The following BRF1 variants were observed in gnomAD, a reference collection of about 807,000 sequenced individuals.
BRF1 encodes the protein BRF1 general transcription factor IIIB subunit.
A neutral mutation model predicts 81.7 loss-of-function variants in BRF1; 59 were observed. The ratio of observed to expected loss-of-function variants is 0.72; its 90% CI spans 0.59 to 0.90. BRF1 has a LOEUF of 0.90. Among genes scored for constraint, BRF1 ranks in the 40% least tolerant of loss-of-function variants. The pLI is 0.00. For missense variants in BRF1, 1,050 were observed against 936.3 expected (o/e 1.12, Z -1.58); for synonymous variants, 491 against 395.6 (o/e 1.24, Z -2.86).
chr14:105,274,295 A>G (rs2056785535), intron 2 of BRF1, among the ~76,000 whole-genome samples: 1 of 152,148 alleles, frequency 6.6e-6, no homozygotes, highest in Non-Finnish European at 1.5e-5. Flanking sequence ...AATAATAATC[A>G]ATAAAAACTG....
Position 105,210,716 on chromosome 14 carries a change from G to A in BRF1, c.1997-128C>T, listed in dbSNP as rs867499499. On this transcript the variant is annotated intron_variant, in intron 17 of 17. Transcript: ENST00000547530. This position sits in a 1 kb window ranked among gnomAD's most constrained non-coding sequence, Gnocchi z 4.7. ...TCCAGCCCCAGCCCCAGCCCCCCGC[G>A]CCCCGCCAGGAGCCATCTTGGGCTC... is the stretch of plus-strand genomic sequence containing the variant. The A allele has an allele frequency of 1.6e-4, 158 of 1,014,602 alleles. No homozygotes were observed. The highest frequency in any genetic ancestry group is 2.1e-4 in the Non-Finnish European group (146 of 709,098). 62.8% of individuals were successfully genotyped at this position (1,014,602 alleles called of 1,614,324 possible).
chr14:105,291,566 C>T (rs2140507579), intron 1 of BRF1, among the ~76,000 whole-genome samples: 1 of 151,738 alleles, frequency 6.6e-6, no homozygotes, highest in East Asian at 1.9e-4. Flanking sequence ...CCTGTAGTCC[C>T]AGCTACTCGG....
rs372729159 is a variant in BRF1 at position 105,269,347 on chromosome 14, C to A, written c.439+3374G>T. Among the ~76,000 whole-genome samples, 7 of 152,270 alleles carry A rather than the reference C, an allele frequency of 4.6e-5. No homozygotes were observed. The highest frequency in any genetic ancestry group is 1.7e-4 in the African/African-American group (7 of 41,548). ...ACCAGCAGCCAGAGGGGATAGAGTG[C>A]GGCCTCCCGTGAGCACAGTCCTGTT... On this transcript the variant is annotated intron_variant, in intron 3 of 17. Transcript: ENST00000547530. This position sits in a 1 kb window ranked among gnomAD's most constrained non-coding sequence, Gnocchi z 5.0.
At chr14:105,225,147 C>T (rs1306918375) in intron 10 of BRF1, among the ~76,000 whole-genome samples, 2 of 152,156 alleles carry the variant, frequency 1.3e-5, no homozygotes, top group Non-Finnish European at 2.9e-5. Flanking sequence ...TTCCAGAGTT[C>T]GACCAGGCTG....
At position 105,241,283 on chromosome 14, in the gene BRF1, A is replaced by T; in HGVS notation, c.676T>A (p.Ser226Thr). 1 of 1,612,068 alleles carries T rather than the reference A, an allele frequency of 6.2e-7. No homozygotes were observed. The highest frequency in any genetic ancestry group is 8.5e-7 in the Non-Finnish European group (1 of 1,179,798). The change falls in exon 6 of 18, where the codon TCG (serine) becomes ACG (threonine). Residue 226 changes from serine (S) to threonine (T), a missense_variant. Ser to Thr is a moderately conservative substitution (Grantham distance 58, BLOSUM62 1). Around this residue, in one of 2 missense-constraint regions of BRF1, gnomAD observed 1,043 missense variants for 915.4 expected, o/e 1.14. Coordinates refer to ENST00000547530, the MANE Select transcript of BRF1 (RefSeq NM_001519.4). ...GCTGTACCTGCTCCGCAGAGGCCCG[A>T]GGGGCGCCGGCCTGTGTGCATCCAG... ...RDWMHTGRRPSGLCGAALLVA... is the reference protein window; with the variant it reads ...RDWMHTGRRPTGLCGAALLVA...
At chr14:105,260,454 C>T (rs1367417192) in intron 3 of BRF1, among the ~76,000 whole-genome samples, 1 of 152,068 alleles carries the variant, frequency 6.6e-6, no homozygotes, top group Non-Finnish European at 1.5e-5. Context: ...TCACTACAAC[C>T]TCTGCCTACC....
chr14:105,274,136 A>ATT (rs1392184992), intron 2 of BRF1, among the ~76,000 whole-genome samples: 20 of 152,340 alleles, frequency 1.3e-4, no homozygotes, highest in Non-Finnish European at 1.5e-5. Context: ...GGAGAGAAAC[A>ATT]TAAATCTGGC....
intron 15 of BRF1, among the ~76,000 whole-genome samples, chr14:105,217,007 G>A (rs1269021737): frequency 2.0e-5 from 3 of 152,210 alleles, no homozygotes; most frequent in Admixed American, 6.5e-5. Context: ...GTGCACAGAG[G>A]CCGACCCACT....
chr14:105,272,599 T>G (rs2056705209), intron 3 of BRF1, 122 bp downstream of exon 3: 2 of 1,234,936 alleles, frequency 1.6e-6, no homozygotes, highest in Non-Finnish European at 2.2e-6. Flanking sequence ...GTTCTTCCAG[T>G]AAGGTGTTTT....
At chr14:105,275,930 C>T (rs972434363) in intron 2 of BRF1, among the ~76,000 whole-genome samples, 4 of 150,730 alleles carry the variant, frequency 2.7e-5, no homozygotes, top group Non-Finnish European at 5.9e-5. Context: ...AGAGGCGGCC[C>T]TCACTAGAGA....
chr14:105,312,192 G>A (rs587662160), intron 1 of BRF1, among the ~76,000 whole-genome samples: 2 of 152,358 alleles, frequency 1.3e-5, no homozygotes, highest in Admixed American at 1.3e-4. Flanking sequence ...CTTCACCCTA[G>A]GTGGAGGGAC....
intron 5 of BRF1, chr14:105,249,327 A>C (rs930485187): frequency 6.3e-7 from 1 of 1,599,538 alleles, no homozygotes; most frequent in Non-Finnish European, 8.5e-7. Flanking sequence ...CCTGCGGGAG[A>C]GCCAGGCTCA....
At chr14:105,267,367 G>A (rs187474020) in intron 3 of BRF1, among the ~76,000 whole-genome samples, 32 of 151,680 alleles carry the variant, frequency 2.1e-4, no homozygotes, top group Admixed American at 5.9e-4. Flanking sequence ...GTAGTGGTGC[G>A]ATCATGGCTC....
intron 6 of BRF1, among the ~76,000 whole-genome samples, chr14:105,229,209 C>T (rs985131909): frequency 6.6e-6 from 1 of 152,224 alleles, no homozygotes; most frequent in Non-Finnish European, 1.5e-5. Context: ...TCTAAGATGA[C>T]TGTGCGGGAA....
At chr14:105,279,687 G>A (rs2056988859) in intron 2 of BRF1, among the ~76,000 whole-genome samples, 1 of 152,128 alleles carries the variant, frequency 6.6e-6, no homozygotes, top group Non-Finnish European at 1.5e-5. Context: ...TCAGGACCCA[G>A]ACACCCATTC....
chr14:105,228,605 C>T (rs587769717), intron 7 of BRF1, among the ~76,000 whole-genome samples: 18 of 151,964 alleles, frequency 1.2e-4, no homozygotes, highest in South Asian at 2.1e-4. Context: ...TAGGGCCGGC[C>T]CCAGAAGGAC....
At chr14:105,226,899 A>C (rs1893191651) in intron 7 of BRF1, 139 bp from the exon 8 acceptor site, 1 of 1,314,688 alleles carries the variant, frequency 7.6e-7, no homozygotes. Flanking sequence ...GCTTGAGTCC[A>C]AGACTTTGAG....
chr14:105,297,487 T>C (rs1483570125), intron 1 of BRF1, among the ~76,000 whole-genome samples: 1 of 151,678 alleles, frequency 6.6e-6, no homozygotes, highest in Non-Finnish European at 1.5e-5. Flanking sequence ...GCAGAATCAC[T>C]TGAACTCGGG....
chr14:105,248,983 CCGCGCCAGCGCCGCCGCCGCCCG>C, intron 5 of BRF1: 1 of 986,266 alleles, frequency 1.0e-6, no homozygotes, highest in East Asian at 1.1e-4. Context: ...CCCAGCGCCC[CCGCGCCAGCGCCGCCGCCGCCCG>C]CGCCCGCGCC....
Sources: allele counts gnomAD v4.1 joint callset (sites outside exome capture counted in the v4.1 genomes callset), GRCh38; gene constraint gnomAD v4.1.1; regional missense constraint gnomAD v4.1.1; non-coding constraint Gnocchi (gnomAD v3.1); transcripts MANE v1.5; gene names NCBI Gene and HGNC (gene_info 2026-07-23, HGNC 2026-07-21).